Variants in PTPRN2 observed in about 807,000 individuals in gnomAD.
PTPRN2 encodes protein tyrosine phosphatase receptor type N2.
In PTPRN2, 74 loss-of-function variants were observed where a neutral mutation model predicts 118.8. The observed-to-expected ratio is 0.62, with a 90% CI of 0.52 to 0.76. The LOEUF (loss-of-function observed/expected upper bound fraction) is 0.76, where lower values mean the gene tolerates loss of function less well. Among genes scored for constraint, PTPRN2 ranks in the 30% least tolerant of loss-of-function variants. The pLI, the probability that PTPRN2 is intolerant of heterozygous loss-of-function variation, is 0.00. For synonymous variants in PTPRN2, 641 were observed against 608.0 expected (o/e 1.05, Z -0.80); for missense variants, 1,481 against 1,394.4 (o/e 1.06, Z -0.99).
chr7:157,687,526 C>G (rs984620162), intron 12 of PTPRN2, among the ~76,000 whole-genome samples: 4 of 152,152 alleles, frequency 2.6e-5, no homozygotes, highest in Non-Finnish European at 5.9e-5. Flanking sequence ...TGTATCATTT[C>G]TAAGGAATCA....
intron 12 of PTPRN2, among the ~76,000 whole-genome samples, chr7:157,771,787 T>A (rs796283764): frequency 1.0e-3 from 135 of 132,256 alleles, no homozygotes; most frequent in Middle Eastern, 4.7e-3. Context: ...AGACACACAC[T>A]CACAGACACA....
chr7:158,107,031 A>G (rs1194390695), intron 10 of PTPRN2, among the ~76,000 whole-genome samples: 1 of 152,072 alleles, frequency 6.6e-6, no homozygotes, highest in Admixed American at 6.6e-5. Flanking sequence ...AACCCAAAAC[A>G]CTGACTGGGA....
At chr7:157,653,274 C>T (rs996560157) in intron 14 of PTPRN2, among the ~76,000 whole-genome samples, 9 of 152,166 alleles carry the variant, frequency 5.9e-5, no homozygotes, top group African/African-American at 1.2e-4. Flanking sequence ...AGGAACATGT[C>T]GCTGGGAATC....
intron 3 of PTPRN2, among the ~76,000 whole-genome samples, chr7:158,269,871 GAAAGAGACAGAGAGAGAC>G (rs1441719198): frequency 2.7e-5 from 4 of 148,976 alleles, no homozygotes; most frequent in East Asian, 1.9e-4. Context: ...GAGAGAGACA[GAAAGAGACAGAGAGAGAC>G]AGAGAGACAG....
intron 1 of PTPRN2, among the ~76,000 whole-genome samples, chr7:158,567,649 C>T (rs953515584): frequency 6.6e-5 from 10 of 152,062 alleles, no homozygotes; most frequent in Non-Finnish European, 7.4e-5. Flanking sequence ...ACATGGCCCT[C>T]GAGGAGCAAG....
intron 5 of PTPRN2, 83 bp from the exon 6 acceptor site, chr7:158,167,374 T>G (rs1823130302): frequency 6.7e-7 from 1 of 1,503,554 alleles, no homozygotes; most frequent in African/African-American, 1.4e-5. Flanking sequence ...CAGTCTCAGT[T>G]TTCAAGGTCC....
At chr7:157,656,135 C>T (rs1051208847) in intron 14 of PTPRN2, among the ~76,000 whole-genome samples, 1 of 100,102 alleles carries the variant, frequency 1.0e-5, no homozygotes, top group Non-Finnish European at 2.4e-5. Context: ...ACGTTCCAGG[C>T]AGAAGCACGG....
chr7:157,812,597 C>G (rs1221260267), intron 12 of PTPRN2, among the ~76,000 whole-genome samples: 1 of 152,198 alleles, frequency 6.6e-6, no homozygotes. Flanking sequence ...ACCAGAAACT[C>G]TATGTCAGCT....
intron 2 of PTPRN2, among the ~76,000 whole-genome samples, chr7:158,403,688 G>A (rs1813118349): frequency 6.6e-6 from 1 of 152,162 alleles, no homozygotes; most frequent in Admixed American, 6.5e-5. Context: ...GCGAGTGCCT[G>A]GGGTCTGAGG....
At chr7:158,110,780 G>A (rs748189862) in intron 10 of PTPRN2, 49 bp downstream of exon 10, 1 of 1,506,102 alleles carries the variant, frequency 6.6e-7, no homozygotes, top group East Asian at 2.4e-5. Flanking sequence ...CCCAGTCTCT[G>A]CGACCAAGCA....
intron 3 of PTPRN2, among the ~76,000 whole-genome samples, chr7:158,226,673 CTT>C (rs757950532): frequency 5.6e-5 from 6 of 106,362 alleles, no homozygotes; most frequent in African/African-American, 1.4e-4. Flanking sequence ...CAGCGCTTCC[CTT>C]TTTTTTTTTT....
chr7:158,345,563 G>A (rs1313908503), intron 2 of PTPRN2, among the ~76,000 whole-genome samples: 1 of 152,222 alleles, frequency 6.6e-6, no homozygotes, highest in African/African-American at 2.4e-5. Context: ...GCTACAAGCT[G>A]GGGCCAAAGC....
chr7:158,518,424 G>C (rs556230391), intron 1 of PTPRN2, among the ~76,000 whole-genome samples: 20 of 152,294 alleles, frequency 1.3e-4, no homozygotes, highest in African/African-American at 4.6e-4. Flanking sequence ...ACTTAGCAAA[G>C]GCCATACTCA....
intron 1 of PTPRN2, among the ~76,000 whole-genome samples, chr7:158,577,377 C>A (rs1221525339): frequency 7.0e-6 from 1 of 143,330 alleles, no homozygotes; most frequent in Non-Finnish European, 1.5e-5. Flanking sequence ...GGGGCCTGCA[C>A]AACACTGAGG....
intron 5 of PTPRN2, among the ~76,000 whole-genome samples, chr7:158,179,765 C>T (rs1824532491): frequency 6.6e-6 from 1 of 152,146 alleles, no homozygotes; most frequent in Non-Finnish European, 1.5e-5. Flanking sequence ...AAGGTGGAAG[C>T]AGGTTTCCAT....
chr7:157,631,309 G>A (rs17730902), intron 14 of PTPRN2, among the ~76,000 whole-genome samples: 19,676 of 152,222 alleles, frequency 0.13, 1,702 homozygotes, highest in Non-Finnish European at 0.21. Context: ...AAGTAGCAGC[G>A]GCAGGAACAA....
chr7:157,804,593 T>C (rs181791240), intron 12 of PTPRN2, among the ~76,000 whole-genome samples: 29 of 151,970 alleles, frequency 1.9e-4, no homozygotes, highest in Middle Eastern at 3.4e-3. Context: ...GCCAAATAGC[T>C]CTAGATGAGG....
intron 11 of PTPRN2, among the ~76,000 whole-genome samples, chr7:157,976,254 G>C (rs1246175855): frequency 1.3e-5 from 2 of 152,314 alleles, no homozygotes; most frequent in East Asian, 1.9e-4. Context: ...GGTGCTCGGC[G>C]ATTCCCAGGA....
chr7:157,820,462 C>T (rs565293963), intron 12 of PTPRN2, among the ~76,000 whole-genome samples: 10 of 151,536 alleles, frequency 6.6e-5, no homozygotes, highest in Non-Finnish European at 1.2e-4. Flanking sequence ...CACACATGCA[C>T]ACAAACACCC....
Sources: allele counts gnomAD v4.1 joint callset (sites outside exome capture counted in the v4.1 genomes callset), GRCh38; gene constraint gnomAD v4.1.1; transcripts MANE v1.5; gene names NCBI Gene and HGNC (gene_info 2026-07-23, HGNC 2026-07-21).